PTPN2: variants seen among roughly 807,000 people sequenced by gnomAD.
The protein encoded by PTPN2 is protein tyrosine phosphatase non-receptor type 2.
In PTPN2, 19 loss-of-function variants were observed where a neutral mutation model predicts 57.3. The ratio of observed to expected loss-of-function variants is 0.33; its 90% confidence interval spans 0.23 to 0.49. The LOEUF (loss-of-function observed/expected upper bound fraction) is 0.49, where lower values mean the gene tolerates loss of function less well. PTPN2 is among the 20% of genes least tolerant of loss of function. The pLI is 0.99. For synonymous variants in PTPN2, 153 were observed against 164.9 expected, an observed-to-expected ratio of 0.93 and a Z score of 0.55; for missense variants, 358 against 501.1, an observed-to-expected ratio of 0.71 and a Z score of 2.73.
chr18:12,800,251 G>A lies in PTPN2; in HGVS notation c.1040+1719C>T, dbSNP rs984702467. 2.0e-5 allele frequency among the ~76,000 whole-genome samples: 3 copies of A among 151,902 alleles called. No individual in the cohort carries two copies. In the East Asian group the frequency reaches 5.8e-4, roughly 29 times the overall value. ...GATTTAACTCACTAGGATTAACATG[G>A]TTGTTCTGAATCTTTGTAGATTAAA... On this transcript the variant is annotated intron_variant, in intron 8 of 8. Coordinates refer to ENST00000309660, the MANE Select transcript of PTPN2 (RefSeq NM_002828.4).
chr18:12,861,125 C>G (rs2043794762), intron 1 of PTPN2, among the ~76,000 whole-genome samples: 1 of 152,132 alleles, frequency 6.6e-6, no homozygotes. Context: ...CAGGTTTGAG[C>G]CAACACCATC....
intron 5 of PTPN2, among the ~76,000 whole-genome samples, chr18:12,822,025 T>C (rs182765369): frequency 5.3e-5 from 8 of 152,214 alleles, no homozygotes; most frequent in Non-Finnish European, 7.4e-5. Flanking sequence ...GAGAGATGTA[T>C]TGAACAAGCA....
chr18:12,795,426 T>C (rs965071625), intron 8 of PTPN2, among the ~76,000 whole-genome samples: 7 of 152,166 alleles, frequency 4.6e-5, no homozygotes, highest in Non-Finnish European at 1.0e-4. Flanking sequence ...CCCAAGTAGC[T>C]GGGATTACAG....
At chr18:12,816,209 A>C (rs927403048) in intron 6 of PTPN2, among the ~76,000 whole-genome samples, 3 of 152,138 alleles carry the variant, frequency 2.0e-5, no homozygotes, top group Non-Finnish European at 1.5e-5. Flanking sequence ...CTGAGGTGGG[A>C]GGATCACTTG....
intron 5 of PTPN2, among the ~76,000 whole-genome samples, chr18:12,824,244 T>C (rs914588471): frequency 3.9e-5 from 6 of 152,234 alleles, no homozygotes; most frequent in African/African-American, 9.6e-5. Flanking sequence ...ATTCGTAATT[T>C]TGAGCCTTTT....
At chr18:12,835,533 G>C (rs1459525485) in intron 3 of PTPN2, among the ~76,000 whole-genome samples, 1 of 151,840 alleles carries the variant, frequency 6.6e-6, no homozygotes, top group African/African-American at 2.4e-5. Flanking sequence ...CCGCCACCAT[G>C]CCCAGCTAAT....
At chr18:12,830,783 A>G (rs749135000) in intron 4 of PTPN2, among the ~76,000 whole-genome samples, 160 bp downstream of exon 4, 12 of 152,198 alleles carry the variant, frequency 7.9e-5, no homozygotes, top group Non-Finnish European at 1.0e-4. Flanking sequence ...TAAGAAAGGA[A>G]AAGGATACAT....
chr18:12,799,215 G>A (rs926650874), intron 8 of PTPN2, among the ~76,000 whole-genome samples: 2 of 152,016 alleles, frequency 1.3e-5, no homozygotes, highest in East Asian at 1.9e-4. Context: ...TCAGGAGTTC[G>A]AGACCAGCCT....
intron 1 of PTPN2, among the ~76,000 whole-genome samples, chr18:12,877,326 C>G (rs1199772128): frequency 6.6e-6 from 1 of 152,100 alleles, no homozygotes; most frequent in Non-Finnish European, 1.5e-5. Context: ...ATATAGAGAA[C>G]TAAGAAATGA....
chr18:12,805,482 CT>C (rs1427226968), intron 7 of PTPN2, among the ~76,000 whole-genome samples: 6 of 151,706 alleles, frequency 4.0e-5, no homozygotes, highest in Admixed American at 6.6e-5. Flanking sequence ...TTCAACATAC[CT>C]TCATGATAAA....
At chr18:12,875,235 C>G (rs899724422) in intron 1 of PTPN2, among the ~76,000 whole-genome samples, 1 of 151,954 alleles carries the variant, frequency 6.6e-6, no homozygotes, top group African/African-American at 2.4e-5. Context: ...TATCTGCTGA[C>G]CTTCCCTTCA....
intron 1 of PTPN2, among the ~76,000 whole-genome samples, chr18:12,878,118 C>T (rs2044552618): frequency 6.6e-6 from 1 of 152,064 alleles, no homozygotes; most frequent in South Asian, 2.1e-4. Flanking sequence ...GGACAGATTG[C>T]TTGAACTCAG....
chr18:12,790,695 G>C (rs1290615641), downstream of PTPN2, among the ~76,000 whole-genome samples: 2 of 152,146 alleles, frequency 1.3e-5, no homozygotes. Context: ...CTGGAAGACT[G>C]TTTCATATCA....
intron 2 of PTPN2, among the ~76,000 whole-genome samples, chr18:12,843,462 G>T (rs986407265): frequency 6.6e-6 from 1 of 152,038 alleles, no homozygotes; most frequent in Non-Finnish European, 1.5e-5. Flanking sequence ...CCCCAATCCC[G>T]AGTACAGCTG....
rs1307564184 is a variant in PTPN2 at position 12,792,604 on chromosome 18, C to G, written c.*1674G>C. The G allele has an allele frequency of 2.7e-5, 4 of 150,326 alleles. No individual in the cohort carries two copies. Among genetic ancestry groups the G allele is most frequent in the African/African-American group, 9.9e-5 (4 of 40,558 alleles). The allele number at this position is 150,326 out of a possible 1,614,324, so 9.3% of individuals were successfully genotyped here. ...CCCAAACTGTTTTTTTTGTTTGTTT[C>G]TTTTGAGATGGAGTCTCGCTCTGTC... On this transcript the variant is annotated 3_prime_UTR_variant, in exon 9 of 9. Coordinates refer to ENST00000309660, the MANE Select transcript of PTPN2 (RefSeq NM_002828.4).
intron 1 of PTPN2, among the ~76,000 whole-genome samples, chr18:12,867,040 A>G (rs993597917): frequency 6.6e-6 from 1 of 151,672 alleles, no homozygotes; most frequent in Admixed American, 6.6e-5. Context: ...AAAAAAAAAA[A>G]ACAAAAACAC....
At chr18:12,831,140 C>G in intron 3 of PTPN2, 99 bp from the exon 4 acceptor site, 8 of 731,678 alleles carry the variant, frequency 1.1e-5, no homozygotes, top group Non-Finnish European at 1.9e-5. Context: ...TGTTACAAGA[C>G]AGACAGCGGA....
chr18:12,840,865 C>T (rs973548668), intron 2 of PTPN2: 15 of 1,586,658 alleles, frequency 9.5e-6, no homozygotes, highest in East Asian at 9.0e-5. Context: ...CACATAAACC[C>T]CACTTCTGTG....
chr18:12,807,580 A>ATAT (rs1405214676), intron 7 of PTPN2, among the ~76,000 whole-genome samples: 7 of 60,158 alleles, frequency 1.2e-4, no homozygotes, highest in Non-Finnish European at 2.3e-4. Context: ...AAAAAAAAAA[A>ATAT]AAAAAAATAT....
Sources: allele counts gnomAD v4.1 joint callset (sites outside exome capture counted in the v4.1 genomes callset), GRCh38; gene constraint gnomAD v4.1.1; transcripts MANE v1.5; gene names NCBI Gene and HGNC (gene_info 2026-07-23, HGNC 2026-07-21).